F2R: variants seen among roughly 807,000 people sequenced by gnomAD.
The protein encoded by F2R is proteinase-activated receptor 1.
F2R carries 12 observed loss-of-function variants against 18.3 expected under a neutral mutation model. The ratio of observed to expected loss-of-function variants is 0.66; its 90% CI spans 0.42 to 1.06. F2R has a LOEUF of 1.06. Among genes scored for constraint, F2R ranks in the 50% least tolerant of loss-of-function variants. The pLI is 0.00. For missense variants in F2R, 438 were observed against 530.8 expected (o/e 0.83, Z 1.72); for synonymous variants, 210 against 219.9 (o/e 0.95, Z 0.40).
rs1561632640 is a variant in F2R at position 76,733,982 on chromosome 5, A to G, written c.*479A>G. The G allele has an allele frequency of 6.4e-6, 1 of 156,678 alleles. No individual in the cohort carries two copies. The highest frequency in any genetic ancestry group is 1.4e-5 in the Non-Finnish European group (1 of 70,750). 9.7% of individuals were successfully genotyped at this position (156,678 alleles called of 1,614,324 possible). On this transcript the variant is annotated 3_prime_UTR_variant, in exon 2 of 2. Transcript: ENST00000319211. Reference sequence around the variant, plus strand: ...GTGTTCATCAACAGTGAGAGACTCCATAGTTTGGGCTTGTACCACTTTTGC... The same window carrying G: ...GTGTTCATCAACAGTGAGAGACTCCGTAGTTTGGGCTTGTACCACTTTTGC...
At chr5:76,718,758 TA>T (rs1193235725) in intron 1 of F2R, among the ~76,000 whole-genome samples, 2 of 152,242 alleles carry the variant, frequency 1.3e-5, no homozygotes, top group Admixed American at 1.3e-4. Flanking sequence ...ATGTGATCAT[TA>T]AAAGGGCCAA....
chr5:76,722,039 T>C (rs2227767), intron 1 of F2R, among the ~76,000 whole-genome samples: 6,819 of 152,334 alleles, frequency 0.045, 447 homozygotes, highest in African/African-American at 0.14. Flanking sequence ...GGAAGAGTTC[T>C]GTTTTCCTGG....
At chr5:76,722,196 T>C (rs1366919017) in intron 1 of F2R, among the ~76,000 whole-genome samples, 1 of 152,170 alleles carries the variant, frequency 6.6e-6, no homozygotes. Context: ...TACAAAGCTG[T>C]CCCCATCCCC....
chr5:76,731,459 G>C (rs892309171), intron 1 of F2R, among the ~76,000 whole-genome samples: 3 of 151,474 alleles, frequency 2.0e-5, no homozygotes, highest in Admixed American at 1.3e-4. Context: ...GGGCAACAGA[G>C]TGAGACTGTG....
chr5:76,726,345 C>G (rs1175673718), intron 1 of F2R, among the ~76,000 whole-genome samples: 2 of 152,032 alleles, frequency 1.3e-5, no homozygotes, highest in Non-Finnish European at 2.9e-5. Context: ...TCCTGGCTAA[C>G]ACGGTGAAAC....
Position 76,733,081 on chromosome 5 carries a change from T to G in F2R, c.856T>G (p.Ser286Ala). ...CTTCTTTTTTGTGCCGCTGATCATT[T>G]CCACGGTCTGTTATGTGTCTATCAT... ...AVFFFVPLIISTVCYVSIIRC... is the reference protein window; with the variant it reads ...AVFFFVPLIIATVCYVSIIRC... The change falls in exon 2 of 2, where the codon TCC becomes GCC. Residue 286 changes from serine (S) to alanine (A), a missense_variant. Ser to Ala is a moderately conservative substitution (Grantham distance 99, BLOSUM62 1). Transcript: ENST00000319211. 1 of 1,614,216 alleles carries G rather than the reference T, an allele frequency of 6.2e-7. No homozygotes were observed. The highest frequency in any genetic ancestry group is 1.1e-5 in the South Asian group (1 of 91,088).
At chr5:76,719,506 C>A (rs1748406851) in intron 1 of F2R, among the ~76,000 whole-genome samples, 2 of 152,020 alleles carry the variant, frequency 1.3e-5, no homozygotes, top group South Asian at 2.1e-4. Flanking sequence ...CCAGAATTGC[C>A]TGAACCTGGA....
intron 1 of F2R, among the ~76,000 whole-genome samples, chr5:76,717,152 AAGGTTGCT>A (rs1748362894): frequency 6.6e-6 from 1 of 152,224 alleles, no homozygotes; most frequent in Non-Finnish European, 1.5e-5. Context: ...CCACTGCAAG[AAGGTTGCT>A]CCCCTAGAAT....
rs1748342032 is a variant in F2R at position 76,716,344 on chromosome 5, T to G, written c.37T>G (p.Phe13Val). The stretch of plus-strand genomic sequence containing the variant: ...GCGGCTGCTGCTGGTGGCCGCCTGC[T>G]TCAGTCTGTGCGGCCCGCTGTTGTC... The part of the protein sequence containing the change: ...PRRLLLVAAC[F>V]SLCGPLLSAR... Residue 13 changes from phenylalanine to valine, a missense_variant, in exon 1 of 2, where the codon TTC (phenylalanine) becomes GTC (valine). Coordinates refer to ENST00000319211, the MANE Select transcript of F2R (RefSeq NM_001992.5). 2 of 1,451,406 alleles carry G rather than the reference T, an allele frequency of 1.4e-6. No homozygotes were observed. The highest frequency in any genetic ancestry group is 9.1e-7 in the Non-Finnish European group (1 of 1,103,384). 89.9% of individuals were successfully genotyped at this position (1,451,406 alleles called of 1,614,324 possible). A position where few individuals can be genotyped will look rare whatever the true frequency, so the allele number is the denominator to read the frequency against.
chr5:76,728,815 C>T (rs1000681999), intron 1 of F2R, among the ~76,000 whole-genome samples: 2 of 151,754 alleles, frequency 1.3e-5, no homozygotes, highest in South Asian at 2.1e-4. Flanking sequence ...CTCAGCCTCC[C>T]GAGGAGCTGG....
Position 76,716,234 on chromosome 5 carries a change from C to A in F2R, c.-74C>A. On this transcript the variant is annotated 5_prime_UTR_variant, in exon 1 of 2. Transcript: ENST00000319211. ...GACCGGCTCCCCGACCCGCAGAAGT[C>A]AGGAGAGAGGGTGAAGCGGAGCAGC... 1.7e-6 allele frequency: 2 copies of A among 1,205,912 alleles called. No homozygotes were observed. Among genetic ancestry groups the A allele is most frequent in the African/African-American group, 1.6e-5 (1 of 62,752 alleles). 74.7% of individuals were successfully genotyped at this position (1,205,912 alleles called of 1,614,324 possible).
chr5:76,727,136 GT>G (rs1422903942), intron 1 of F2R, among the ~76,000 whole-genome samples: 1 of 152,206 alleles, frequency 6.6e-6, no homozygotes, highest in Non-Finnish European at 1.5e-5. Flanking sequence ...ACTTAATTAA[GT>G]GAGCAAACAA....
Position 76,732,525 on chromosome 5 carries a change from G to T in F2R, c.300G>T (p.Trp100Cys), listed in dbSNP as rs1748686521. The change falls in exon 2 of 2, where the codon TGG (tryptophan) becomes TGT (cysteine). Residue 100 changes from tryptophan (W) to cysteine (C), a missense_variant. Trp to Cys is a radical substitution (Grantham distance 215). Transcript: ENST00000319211. ...CCTCCGGATATTTGACCAGCTCCTG[G>T]CTGACACTCTTTGTCCCATCTGTGT... is the stretch of plus-strand genomic sequence containing the variant. The part of the protein sequence containing the change: ...EDASGYLTSS[W>C]LTLFVPSVYT... 1 of 1,614,032 alleles carries T rather than the reference G, an allele frequency of 6.2e-7. No individual in the cohort carries two copies. Among genetic ancestry groups the T allele is most frequent in the Non-Finnish European group, 8.5e-7 (1 of 1,180,036 alleles).
chr5:76,716,897 G>A, intron 1 of F2R: 1 of 492,716 alleles, frequency 2.0e-6, no homozygotes, highest in Non-Finnish European at 3.6e-6. Flanking sequence ...CCCTTGGCAT[G>A]TTTAGCAGAG....
chr5:76,722,774 A>G (rs1748488826), intron 1 of F2R, among the ~76,000 whole-genome samples: 1 of 152,066 alleles, frequency 6.6e-6, no homozygotes, highest in Admixed American at 6.6e-5. Flanking sequence ...AACATGGTGA[A>G]ACCCTGTCTC....
chr5:76,731,537 T>C (rs1748669403), intron 1 of F2R, among the ~76,000 whole-genome samples: 1 of 151,974 alleles, frequency 6.6e-6, no homozygotes, highest in Non-Finnish European at 1.5e-5. Context: ...TTCTATTTAT[T>C]TTTATTTTTT....
rs371469192 is a variant in F2R at position 76,733,680 on chromosome 5, A to C, written c.*177A>C. On this transcript the variant is annotated 3_prime_UTR_variant, in exon 2 of 2. Coordinates refer to ENST00000319211, the MANE Select transcript of F2R (RefSeq NM_001992.5). ...TGTATTTTTGTCAATTACCAGAAAG[A>C]TAACAGGACGAGATGACGGTGTTAT... 63 of 590,862 alleles carry C rather than the reference A, an allele frequency of 1.1e-4. No homozygotes were observed. The highest frequency in any genetic ancestry group is 5.0e-4 in the African/African-American group (27 of 53,776). The allele number at this position is 590,862 out of a possible 1,614,324, so 36.6% of individuals were successfully genotyped here. A position where few individuals can be genotyped will look rare whatever the true frequency, so the allele number is the denominator to read the frequency against.
rs961426342 is a variant in F2R at position 76,735,763 on chromosome 5, G to A, written c.*2260G>A. ...CCTGTATTAATAAATGTGAACATTT[G>A]CTTGGTATCTCTTTGGAACAAATTA... On this transcript the variant is annotated 3_prime_UTR_variant, in exon 2 of 2. Coordinates refer to ENST00000319211, the MANE Select transcript of F2R (RefSeq NM_001992.5). The A allele has an allele frequency of 2.6e-5, 4 of 152,112 alleles. No homozygotes were observed. The highest frequency in any genetic ancestry group is 9.7e-5 in the African/African-American group (4 of 41,420). 9.4% of individuals were successfully genotyped at this position (152,112 alleles called of 1,614,324 possible). A position where few individuals can be genotyped will look rare whatever the true frequency, so the allele number is the denominator to read the frequency against.
rs1580896409 is a variant in F2R, at chr5:76,733,863, T to G, written c.*360T>G. 3 of 179,746 alleles carry G rather than the reference T, an allele frequency of 1.7e-5. No individual in the cohort carries two copies. The highest frequency in any genetic ancestry group is 1.5e-4 in the East Asian group (1 of 6,592). The allele number at this position is 179,746 out of a possible 1,614,324, so 11.1% of individuals were successfully genotyped here. A position where few individuals can be genotyped will look rare whatever the true frequency, so the allele number is the denominator to read the frequency against. On this transcript the variant is annotated 3_prime_UTR_variant, in exon 2 of 2. Coordinates refer to ENST00000319211, the MANE Select transcript of F2R (RefSeq NM_001992.5). ...AGAATAGGCACTTTAAAACACTCTT[T>G]CCCCGCACCCCAGCAATTATGAAAA... is the stretch of plus-strand genomic sequence containing the variant.
Sources: gnomAD v4.1 joint callset for allele counts (sites outside exome capture counted in the v4.1 genomes callset) on GRCh38, gnomAD v4.1.1 for gene constraint, MANE v1.5 for transcripts, NCBI Gene and HGNC (gene_info 2026-07-23, HGNC 2026-07-21) for gene names.